The following CADM2 variants were observed in gnomAD, a reference collection of about 807,000 sequenced individuals.
CADM2 encodes the protein immunoglobulin superfamily member 4D.
In CADM2, 12 loss-of-function variants were observed where a neutral mutation model predicts 49.8. The observed-to-expected ratio is 0.24, with a 90% confidence interval of 0.15 to 0.39. CADM2 has a LOEUF of 0.39. Among genes scored for constraint, CADM2 ranks in the 10% least tolerant of loss-of-function variants. CADM2 has a pLI of 1.00. For synonymous variants in CADM2, 214 were observed against 175.4 expected (o/e 1.22, Z -1.74); for missense variants, 378 against 492.3 (o/e 0.77, Z 2.20).
chr3:85,947,203 C>T (rs576654426), intron 7 of CADM2, among the ~76,000 whole-genome samples: 2 of 151,980 alleles, frequency 1.3e-5, no homozygotes, highest in South Asian at 2.1e-4. Context: ...AAATGCTCAT[C>T]ATCACTGGCC....
At chr3:85,406,870 T>A (rs1694255012) in intron 1 of CADM2, among the ~76,000 whole-genome samples, 1 of 152,142 alleles carries the variant, frequency 6.6e-6, no homozygotes, top group South Asian at 2.1e-4. Context: ...TTCAATTTAC[T>A]TTCTACATAG....
intron 6 of CADM2, among the ~76,000 whole-genome samples, chr3:85,921,195 T>C (rs902877132): frequency 5.9e-5 from 9 of 151,978 alleles, no homozygotes; most frequent in African/African-American, 2.2e-4. Context: ...CTTATTCTAC[T>C]TTATGTCTAT....
At chr3:85,412,337 T>G (rs1173832289) in intron 1 of CADM2, among the ~76,000 whole-genome samples, 5 of 152,200 alleles carry the variant, frequency 3.3e-5, no homozygotes, top group Non-Finnish European at 7.3e-5. Flanking sequence ...ATGTGTTTTC[T>G]TATAATAATT....
At chr3:85,071,531 C>T (rs1307333154) in intron 1 of CADM2, among the ~76,000 whole-genome samples, 1 of 152,088 alleles carries the variant, frequency 6.6e-6, no homozygotes, top group Non-Finnish European at 1.5e-5. Context: ...ACTCTATATT[C>T]TCTTCAAAAA....
intron 1 of CADM2, among the ~76,000 whole-genome samples, chr3:85,644,717 AG>A (rs1239062133): frequency 3.3e-5 from 5 of 152,166 alleles, no homozygotes. Flanking sequence ...GAAAGCCCTT[AG>A]CCAAAATTAA....
At chr3:85,506,209 A>C (rs973751887) in intron 1 of CADM2, among the ~76,000 whole-genome samples, 1 of 152,198 alleles carries the variant, frequency 6.6e-6, no homozygotes, top group Non-Finnish European at 1.5e-5. Context: ...AAAGTAAACA[A>C]GTAGATTTGG....
chr3:85,972,949 A>C (rs949666242), intron 8 of CADM2, among the ~76,000 whole-genome samples: 18 of 151,746 alleles, frequency 1.2e-4, no homozygotes, highest in Non-Finnish European at 2.1e-4. Flanking sequence ...TAGAGCTCTA[A>C]CACTTTTAAA....
At chr3:85,070,081 C>A (rs1410316246) in intron 1 of CADM2, among the ~76,000 whole-genome samples, 1 of 151,772 alleles carries the variant, frequency 6.6e-6, no homozygotes, top group African/African-American at 2.4e-5. Context: ...AATTTTTTTT[C>A]TGAAAGTATT....
At chr3:85,605,113 T>C (rs2063509909) in intron 1 of CADM2, among the ~76,000 whole-genome samples, 1 of 152,068 alleles carries the variant, frequency 6.6e-6, no homozygotes. Flanking sequence ...GCACAGGGAA[T>C]AGATTTTGTA....
chr3:85,739,438 T>C (rs1272618498), intron 2 of CADM2, among the ~76,000 whole-genome samples: 2 of 152,116 alleles, frequency 1.3e-5, no homozygotes, highest in Non-Finnish European at 2.9e-5. Flanking sequence ...TGTTTTCTTT[T>C]AAAATTATAT....
intron 1 of CADM2, among the ~76,000 whole-genome samples, chr3:85,233,955 C>G (rs1341251495): frequency 6.6e-6 from 1 of 152,082 alleles, no homozygotes; most frequent in African/African-American, 2.4e-5. Context: ...CCAATATTAG[C>G]TAGCTTAGCT....
chr3:85,230,329 A>G (rs2042258403), intron 1 of CADM2, among the ~76,000 whole-genome samples: 2 of 152,214 alleles, frequency 1.3e-5, no homozygotes, highest in African/African-American at 4.8e-5. Flanking sequence ...TATATAGCTA[A>G]GCCTAAATGA....
intron 1 of CADM2, among the ~76,000 whole-genome samples, chr3:85,584,095 A>G (rs2062869065): frequency 6.6e-6 from 1 of 152,082 alleles, no homozygotes; most frequent in Non-Finnish European, 1.5e-5. Flanking sequence ...AGTAGAATTG[A>G]GAAACTATTT....
At chr3:85,064,142 T>C (rs1470420771) in intron 1 of CADM2, among the ~76,000 whole-genome samples, 1 of 152,122 alleles carries the variant, frequency 6.6e-6, no homozygotes, top group Non-Finnish European at 1.5e-5. Flanking sequence ...TTGCTAACCT[T>C]GCTCTAGGAA....
chr3:85,488,170 A>G (rs1173087439), intron 1 of CADM2, among the ~76,000 whole-genome samples: 1 of 152,170 alleles, frequency 6.6e-6, no homozygotes, highest in Non-Finnish European at 1.5e-5. Flanking sequence ...TGCTAAGGCC[A>G]TTAAAGGTCT....
At chr3:85,125,947 T>C (rs1392340214) in intron 1 of CADM2, among the ~76,000 whole-genome samples, 2 of 152,230 alleles carry the variant, frequency 1.3e-5, no homozygotes, top group Non-Finnish European at 2.9e-5. Context: ...GAGATAATTA[T>C]ATAATGTTCA....
intron 1 of CADM2, among the ~76,000 whole-genome samples, chr3:85,367,962 G>A (rs2032919494): frequency 6.6e-6 from 1 of 151,884 alleles, no homozygotes; most frequent in South Asian, 2.1e-4. Context: ...GTAAGAATTG[G>A]AATAGTATAT....
At chr3:85,107,306 A>T (rs1202141611) in intron 1 of CADM2, among the ~76,000 whole-genome samples, 1 of 152,226 alleles carries the variant, frequency 6.6e-6, no homozygotes, top group African/African-American at 2.4e-5. Flanking sequence ...AAGAAGAATG[A>T]GTAAAGTACA....
intron 1 of CADM2, among the ~76,000 whole-genome samples, chr3:85,598,406 A>G (rs1474264629): frequency 6.6e-6 from 1 of 151,960 alleles, no homozygotes; most frequent in Non-Finnish European, 1.5e-5. Context: ...TCTAGGATTA[A>G]TAATATTTAG....
Sources: allele counts gnomAD v4.1 joint callset (sites outside exome capture counted in the v4.1 genomes callset), GRCh38; gene constraint gnomAD v4.1.1; transcripts MANE v1.5; gene names NCBI Gene and HGNC (gene_info 2026-07-23, HGNC 2026-07-21).